The following RNF115 variants were observed in gnomAD, a reference collection of about 807,000 sequenced individuals.
RNF115 encodes the protein ring finger protein 115.
RNF115 carries 31 observed loss-of-function variants against 39.2 expected under a neutral mutation model. That is an observed-to-expected ratio of 0.79 (90% CI 0.59 to 1.07). The LOEUF is 1.07. RNF115 is among the 50% of genes least tolerant of loss of function. The pLI is 0.00. For synonymous variants in RNF115, 124 were observed against 131.0 expected (o/e 0.95, Z 0.37); for missense variants, 384 against 381.7 (o/e 1.01, Z -0.05).
chr1:145,775,895 G>C (rs1647862054), intron 3 of RNF115, among the ~76,000 whole-genome samples: 1 of 151,996 alleles, frequency 6.6e-6, no homozygotes, highest in South Asian at 2.1e-4. Flanking sequence ...CTACTCAGGA[G>C]GCTGAGGCAT....
At chr1:145,814,938 T>C (rs587640999) in intron 1 of RNF115, among the ~76,000 whole-genome samples, 55 of 119,892 alleles carry the variant, frequency 4.6e-4, no homozygotes, top group African/African-American at 1.3e-3. Flanking sequence ...TTTTTAAATA[T>C]AATTACTGGG....
Position 145,748,087 on chromosome 1 carries a change from A to T in RNF115, c.691T>A (p.Cys231Ser), listed in dbSNP as rs1553712015. ...QVDMGLECPVCKEDYTVEEEV... is the reference protein window; with the variant it reads ...QVDMGLECPVSKEDYTVEEEV... ...TCTTCAACTGTGTAATCTTCTTTGC[A>T]TACTGGACACTCTAAACCCATATCT... The change falls in exon 8 of 9, where the codon TGC (cysteine) becomes AGC (serine). Residue 231 changes from cysteine (C) to serine (S), a missense_variant. Cys to Ser is a moderately radical substitution (Grantham distance 112). Transcript: ENST00000582693. 6.2e-7 allele frequency: 1 copy of T among 1,613,088 alleles called. No individual in the cohort carries two copies. Among genetic ancestry groups the T allele is most frequent in the Non-Finnish European group, 8.5e-7 (1 of 1,179,076 alleles).
intron 1 of RNF115, among the ~76,000 whole-genome samples, chr1:145,818,161 T>C (rs1237591580): frequency 2.6e-5 from 4 of 151,906 alleles, no homozygotes; most frequent in African/African-American, 9.7e-5. Context: ...TTTTAAGTTC[T>C]TTGGGAAATC....
At chr1:145,808,527 A>T (rs1371548502) in intron 1 of RNF115, among the ~76,000 whole-genome samples, 2 of 152,148 alleles carry the variant, frequency 1.3e-5, no homozygotes, top group African/African-American at 4.8e-5. Context: ...TTGCCCAACC[A>T]TTATTTGGTT....
At chr1:145,755,630 G>A (rs1658266141) in intron 4 of RNF115, among the ~76,000 whole-genome samples, 1 of 152,044 alleles carries the variant, frequency 6.6e-6, no homozygotes, top group Admixed American at 6.6e-5. Flanking sequence ...TACCGGTGCC[G>A]CCACAATAAA....
At chr1:145,793,144 C>A (rs990346221) in intron 1 of RNF115, among the ~76,000 whole-genome samples, 2 of 152,120 alleles carry the variant, frequency 1.3e-5, no homozygotes, top group Admixed American at 1.3e-4. Flanking sequence ...CATAGTGAGA[C>A]CTTGTCTCTA....
chr1:145,806,879 C>T (rs1053285565), intron 1 of RNF115, among the ~76,000 whole-genome samples: 29 of 152,346 alleles, frequency 1.9e-4, no homozygotes, highest in African/African-American at 5.8e-4. Context: ...GATCTCGGCT[C>T]ACTGCAACCT....
intron 3 of RNF115, among the ~76,000 whole-genome samples, chr1:145,774,599 C>T (rs1404195513): frequency 6.6e-6 from 1 of 152,146 alleles, no homozygotes; most frequent in Admixed American, 6.5e-5. Flanking sequence ...GATCCGCCCA[C>T]CTCGGCCTCC....
At chr1:145,794,394 TTC>T (rs1476873490) in intron 1 of RNF115, among the ~76,000 whole-genome samples, 1 of 152,080 alleles carries the variant, frequency 6.6e-6, no homozygotes, top group Non-Finnish European at 1.5e-5. Context: ...CACACTGGAC[TTC>T]TTTTGATTCT....
chr1:145,799,309 G>A (rs1243141133), intron 1 of RNF115, among the ~76,000 whole-genome samples: 5 of 152,106 alleles, frequency 3.3e-5, no homozygotes, highest in Non-Finnish European at 2.9e-5. Flanking sequence ...CTCGTGATCC[G>A]CCTGCCTCGG....
intron 4 of RNF115, among the ~76,000 whole-genome samples, chr1:145,767,745 C>CG (rs1426759602): frequency 2.0e-5 from 3 of 152,250 alleles, no homozygotes; most frequent in Non-Finnish European, 2.9e-5. Flanking sequence ...CCGAGGCTGG[C>CG]GGATCACTCG....
intron 3 of RNF115, among the ~76,000 whole-genome samples, chr1:145,783,882 AAAAAG>A (rs1366315844): frequency 3.4e-4 from 51 of 152,166 alleles, no homozygotes; most frequent in African/African-American, 1.2e-3. Flanking sequence ...GACGAAGTGA[AAAAAG>A]AAAATTACTC....
At chr1:145,767,111 G>C (rs1399421013) in intron 4 of RNF115, among the ~76,000 whole-genome samples, 1 of 150,618 alleles carries the variant, frequency 6.6e-6, no homozygotes, top group Non-Finnish European at 1.5e-5. Context: ...GGCTGGCCCG[G>C]CAGAGGGGCT....
intron 4 of RNF115, among the ~76,000 whole-genome samples, chr1:145,764,976 G>A (rs1553714553): frequency 6.6e-6 from 1 of 152,262 alleles, no homozygotes; most frequent in East Asian, 1.9e-4. Context: ...TTGTGGAACA[G>A]AGAAGGGGGA....
At chr1:145,776,415 C>T (rs1331174831) in intron 3 of RNF115, among the ~76,000 whole-genome samples, 1 of 151,976 alleles carries the variant, frequency 6.6e-6, no homozygotes, top group African/African-American at 2.4e-5. Context: ...CCACCTGCCT[C>T]GGCCTCCCAG....
intron 3 of RNF115, among the ~76,000 whole-genome samples, chr1:145,777,696 A>T (rs375711411): frequency 6.6e-6 from 1 of 152,204 alleles, no homozygotes; most frequent in Non-Finnish European, 1.5e-5. Context: ...ACACTATCAT[A>T]GAGTTTTGCT....
rs782333358 is a variant in RNF115, at chr1:145,748,039, T to A, written c.739A>T (p.Asn247Tyr). 21 of 1,613,894 alleles carry A rather than the reference T, an allele frequency of 1.3e-5. No homozygotes were observed. The highest frequency in any genetic ancestry group is 1.8e-5 in the Non-Finnish European group (21 of 1,179,804). ...ATACAACTGCTGTGAAAGAAGTGAT[T>A]GCAAGGTAACTGCCGGACTTCCTCT... ...VEEEVRQLPC[N>Y]HFFHSSCIVP... The change falls in exon 8 of 9, where the codon AAT (asparagine) becomes TAT (tyrosine). Residue 247 changes from asparagine (N) to tyrosine (Y), a missense_variant. By Grantham distance (143) the Asn-to-Tyr change is moderately radical. Coordinates refer to ENST00000582693, the MANE Select transcript of RNF115 (RefSeq NM_014455.4).
chr1:145,815,626 C>T (rs1488522629), intron 1 of RNF115, among the ~76,000 whole-genome samples: 1 of 151,516 alleles, frequency 6.6e-6, no homozygotes, highest in African/African-American at 2.4e-5. Flanking sequence ...ACACTAACTC[C>T]ATTAGTCTTG....
intron 4 of RNF115, among the ~76,000 whole-genome samples, chr1:145,765,713 G>A (rs1054922414): frequency 3.3e-5 from 5 of 152,178 alleles, no homozygotes; most frequent in Non-Finnish European, 7.3e-5. Flanking sequence ...GATAAGATGA[G>A]CTAGTCTATT....
Sources: gnomAD v4.1 joint callset for allele counts (sites outside exome capture counted in the v4.1 genomes callset) on GRCh38, gnomAD v4.1.1 for gene constraint, MANE v1.5 for transcripts, NCBI Gene and HGNC (gene_info 2026-07-23, HGNC 2026-07-21) for gene names.